Variants in RAD54B observed in about 807,000 individuals in gnomAD.
RAD54B encodes the protein DNA repair and recombination protein RAD54B.
In RAD54B, 78 loss-of-function variants were observed where a neutral mutation model predicts 95.8. The observed-to-expected ratio is 0.81, with a 90% confidence interval of 0.68 to 0.98. The LOEUF is 0.98. RAD54B is among the 50% of genes least tolerant of loss of function. The pLI, the probability that RAD54B is intolerant of heterozygous loss-of-function variation, is 0.00. For missense variants in RAD54B, 957 were observed against 1,056.6 expected (o/e 0.91, Z 1.31); for synonymous variants, 328 against 354.9 (o/e 0.92, Z 0.85).
intron 14 of RAD54B, among the ~76,000 whole-genome samples, chr8:94,377,316 G>A (rs558801441): frequency 1.1e-3 from 167 of 149,066 alleles, no homozygotes; most frequent in African/African-American, 3.7e-3. Flanking sequence ...CGGGCAGATC[G>A]CTGGAGCCCA....
intron 3 of RAD54B, among the ~76,000 whole-genome samples, chr8:94,448,632 T>C (rs1054545151): frequency 1.4e-5 from 2 of 147,026 alleles, no homozygotes; most frequent in East Asian, 4.0e-4. Flanking sequence ...TTATGCTAAA[T>C]GAATTAAGCC....
chr8:94,406,025 C>CAT (rs1368018302), intron 5 of RAD54B, among the ~76,000 whole-genome samples: 1 of 146,494 alleles, frequency 6.8e-6, no homozygotes, highest in African/African-American at 2.5e-5. Context: ...CACACACACA[C>CAT]ACATATATAT....
intron 3 of RAD54B, among the ~76,000 whole-genome samples, chr8:94,419,408 T>C (rs1811749864): frequency 6.6e-6 from 1 of 152,050 alleles, no homozygotes. Context: ...CTCGGGAGGT[T>C]GAGGCAGGAG....
At chr8:94,461,383 G>A (rs1468094962) in intron 2 of RAD54B, among the ~76,000 whole-genome samples, 1 of 150,684 alleles carries the variant, frequency 6.6e-6, no homozygotes, top group Non-Finnish European at 1.5e-5. Context: ...TGTTGAGGCT[G>A]GTCTCAAACT....
In RAD54B at chr8:94,400,276, G is replaced by A. The variant is rs370468421; in HGVS notation, c.1132C>T (p.Leu378=). The change falls in exon 7 of 15, where the codon CTA becomes TTA. Residue 378 remains leucine (L), a synonymous_variant. Coordinates refer to ENST00000336148, the MANE Select transcript of RAD54B (RefSeq NM_012415.3). ...AATATCTTGATCCTTTCACTTCCTA[G>A]CCATTTTTGAAATTCTTTCTTCCAA... ...NNWKKEFQKW[L]GSERIKIFTV... 7.4e-6 allele frequency: 12 copies of A among 1,613,452 alleles called. No individual in the cohort carries two copies. The highest frequency in any genetic ancestry group is 1.0e-5 in the Non-Finnish European group (12 of 1,179,762).
At chr8:94,415,048 C>T (rs915182021) in intron 3 of RAD54B, among the ~76,000 whole-genome samples, 2,712 of 151,606 alleles carry the variant, frequency 0.018, 68 homozygotes, top group African/African-American at 0.061. Flanking sequence ...AAAAAGAGCC[C>T]GCATTGCCAA....
At chr8:94,430,281 A>G in intron 3 of RAD54B, 3 of 920,566 alleles carry the variant, frequency 3.3e-6, no homozygotes, top group Non-Finnish European at 3.9e-6. Context: ...ACTGCACTCC[A>G]ACCTAGGTGA....
At position 94,458,219 on chromosome 8, in the gene RAD54B, G is replaced by C. The variant is rs760866608; in HGVS notation, c.304+49C>G. 1.9e-5 allele frequency: 28 copies of C among 1,451,546 alleles called. No individual in the cohort carries two copies. In the South Asian group the frequency reaches 3.5e-4, roughly 18 times the overall value. The allele number at this position is 1,451,546 out of a possible 1,614,324, so 89.9% of individuals were successfully genotyped here. ...CTTAAAACATCATTTAAAGAATACT[G>C]TAATACTATTGGTCAAGCATAAACC... On this transcript the variant is annotated intron_variant, in intron 3 of 14. Coordinates refer to ENST00000336148, the MANE Select transcript of RAD54B (RefSeq NM_012415.3).
At chr8:94,401,842 T>C (rs1465980315) in intron 6 of RAD54B, among the ~76,000 whole-genome samples, 1 of 152,104 alleles carries the variant, frequency 6.6e-6, no homozygotes, top group Admixed American at 6.6e-5. Context: ...TGAGATACAG[T>C]GAATAGCAAA....
chr8:94,422,501 C>T lies in RAD54B; in HGVS notation c.305-11186G>A, dbSNP rs575903241. 5.4e-4 allele frequency among the ~76,000 whole-genome samples: 77 copies of T among 142,098 alleles called. 1 individual carries two copies. The highest frequency in any genetic ancestry group is 2.0e-3 in the African/African-American group (76 of 38,360). The allele number at this position is 142,098 out of a possible 152,430, so 93.2% of individuals were successfully genotyped here. On this transcript the variant is annotated intron_variant, in intron 3 of 14. Transcript: ENST00000336148. ...ACTTGGGTAGCTGAGACAGGAGAAT[C>T]GCTTGAATCCGGGAGGCGGAGGTTG...
chr8:94,399,991 C>T (rs959434183), intron 7 of RAD54B, among the ~76,000 whole-genome samples: 5 of 152,056 alleles, frequency 3.3e-5, no homozygotes, highest in East Asian at 3.9e-4. Context: ...TCTACCCTCA[C>T]GACCTCATTT....
At chr8:94,425,226 A>ATCC (rs1811914763) in intron 3 of RAD54B, among the ~76,000 whole-genome samples, 1 of 134,648 alleles carries the variant, frequency 7.4e-6, no homozygotes, top group African/African-American at 2.9e-5. Flanking sequence ...AGCCTTTAAT[A>ATCC]TTCTTTTTTT....
chr8:94,461,846 T>C (rs1812913716), intron 2 of RAD54B, among the ~76,000 whole-genome samples: 1 of 152,202 alleles, frequency 6.6e-6, no homozygotes, highest in Non-Finnish European at 1.5e-5. Flanking sequence ...ACAGTAAAAT[T>C]ATCAAAATTG....
chr8:94,419,241 G>T (rs1335554100), intron 3 of RAD54B, among the ~76,000 whole-genome samples: 1 of 152,144 alleles, frequency 6.6e-6, no homozygotes, highest in Non-Finnish European at 1.5e-5. Context: ...TGGGAGTGGT[G>T]GCTCACGCCT....
At chr8:94,430,584 T>A in intron 3 of RAD54B, 1 of 637,230 alleles carries the variant, frequency 1.6e-6, no homozygotes, top group Non-Finnish European at 2.0e-6. Flanking sequence ...TAACAAGTTC[T>A]CAAGTGATGC....
chr8:94,460,830 CTA>C lies in RAD54B; in HGVS notation c.136-2396_136-2395del, dbSNP rs1357408560. 2.6e-5 allele frequency among the ~76,000 whole-genome samples: 4 copies of C among 152,100 alleles called. No individual in the cohort carries two copies. The East Asian group carries it at 5.8e-4, about 22-fold the overall frequency. On this transcript the variant is annotated intron_variant, in intron 2 of 14. Transcript: ENST00000336148. ...CCTCTTCCTCCATATTCAAAGTCAACTATGTTACATCTCTCTGACCCTGCTTC... is the reference window on the plus strand; with the variant it reads ...CCTCTTCCTCCATATTCAAAGTCAACTGTTACATCTCTCTGACCCTGCTTC...
intron 14 of RAD54B, among the ~76,000 whole-genome samples, chr8:94,373,749 T>C (rs1810497006): frequency 6.6e-6 from 1 of 152,236 alleles, no homozygotes; most frequent in Non-Finnish European, 1.5e-5. Context: ...GTATCTATCC[T>C]AAGAGCAATA....
intron 3 of RAD54B, among the ~76,000 whole-genome samples, chr8:94,457,910 A>T (rs977728125): frequency 1.3e-5 from 2 of 152,224 alleles, no homozygotes; most frequent in Admixed American, 6.5e-5. Context: ...TGAATTAACA[A>T]GTAACTACTT....
At chr8:94,390,580 TATAG>T (rs1339562954) in intron 10 of RAD54B, among the ~76,000 whole-genome samples, 3 of 148,064 alleles carry the variant, frequency 2.0e-5, no homozygotes, top group South Asian at 2.1e-4. Flanking sequence ...ATAGATTATA[TATAG>T]AGATTTTATA....
Sources: gnomAD v4.1 joint callset for allele counts (sites outside exome capture counted in the v4.1 genomes callset) on GRCh38, gnomAD v4.1.1 for gene constraint, MANE v1.5 for transcripts, NCBI Gene and HGNC (gene_info 2026-07-23, HGNC 2026-07-21) for gene names.